The following COX7A2L variants were observed in gnomAD, a reference collection of about 807,000 sequenced individuals.
The protein encoded by COX7A2L is cytochrome c oxidase subunit 7A2-like, mitochondrial.
In COX7A2L, 18 loss-of-function variants were observed where a neutral mutation model predicts 14.2. That is an observed-to-expected ratio of 1.27 (90% CI 0.88 to 1.88). The LOEUF (loss-of-function observed/expected upper bound fraction) is 1.88. Ranked by LOEUF, COX7A2L falls within the 40% of genes most tolerant of loss-of-function variation. COX7A2L has a pLI of 0.00. For missense variants in COX7A2L, 179 were observed against 138.8 expected, an observed-to-expected ratio of 1.29 and a Z score of -1.46; for synonymous variants, 65 against 57.4, an observed-to-expected ratio of 1.13 and a Z score of -0.60.
intron 1 of COX7A2L, among the ~76,000 whole-genome samples, chr2:42,354,280 T>TG (rs540737786): frequency 6.6e-5 from 10 of 151,920 alleles, no homozygotes; most frequent in East Asian, 1.9e-4. Context: ...TAAAAAAAGG[T>TG]GGGGGGGATC....
chr2:42,336,681 G>T (rs776112359), intron 2 of COX7A2L, among the ~76,000 whole-genome samples: 2 of 152,192 alleles, frequency 1.3e-5, no homozygotes, highest in Admixed American at 1.3e-4. Context: ...CCAGAAGCTG[G>T]AGCCGTCACC....
rs546914973 is a variant in COX7A2L at position 42,357,353 on chromosome 2, C to T, written c.72+3737G>A. On this transcript the variant is annotated intron_variant, in intron 1 of 2. Coordinates refer to ENST00000234301, the MANE Select transcript of COX7A2L (RefSeq NM_004718.4). ...TAGATAGATCTTACACTGTCACCCACGCTGGAGTGCAACGCATTGATCACA... is the reference window on the plus strand; with the variant it reads ...TAGATAGATCTTACACTGTCACCCATGCTGGAGTGCAACGCATTGATCACA... 6.6e-5 allele frequency among the ~76,000 whole-genome samples: 10 copies of T among 152,260 alleles called. No individual in the cohort carries two copies. In the South Asian group the frequency reaches 1.5e-3, roughly 22 times the overall value.
At chr2:42,360,397 C>T (rs899336558) in intron 1 of COX7A2L, among the ~76,000 whole-genome samples, 2 of 152,154 alleles carry the variant, frequency 1.3e-5, no homozygotes, top group Admixed American at 6.5e-5. Context: ...TGAAAAGGCA[C>T]GTCTGGGGCT....
downstream of COX7A2L, among the ~76,000 whole-genome samples, chr2:42,346,813 T>C (rs1225447822): frequency 5.3e-5 from 8 of 152,248 alleles, no homozygotes; most frequent in Non-Finnish European, 1.0e-4. Context: ...TGAATATCTT[T>C]TTTAAAAAAA....
downstream of COX7A2L, among the ~76,000 whole-genome samples, chr2:42,347,369 ACCT>A (rs1670520509): frequency 1.4e-5 from 2 of 140,906 alleles, no homozygotes; most frequent in Admixed American, 7.9e-5. Flanking sequence ...CATCCCCCTC[ACCT>A]CCTAAATCTC....
chr2:42,361,050 G>T (rs745999909), intron 1 of COX7A2L, 40 bp downstream of exon 1: 1 of 1,606,194 alleles, frequency 6.2e-7, no homozygotes, highest in Non-Finnish European at 8.5e-7. Flanking sequence ...GGCTAGGGCC[G>T]CCACTTCTCA....
intron 1 of COX7A2L, chr2:42,359,299 T>C (rs1190904075): frequency 2.6e-5 from 4 of 152,130 alleles, no homozygotes; most frequent in African/African-American, 9.7e-5. Context: ...AAACTATCTA[T>C]TTATGATGAT....
downstream of COX7A2L, among the ~76,000 whole-genome samples, chr2:42,346,184 T>C (rs1319628060): frequency 6.6e-6 from 1 of 152,118 alleles, no homozygotes; most frequent in African/African-American, 2.4e-5. Flanking sequence ...TAAGGGCATG[T>C]TGCCAGCAGC....
chr2:42,359,119 T>C (rs1261617918), intron 1 of COX7A2L: 1 of 152,200 alleles, frequency 6.6e-6, no homozygotes, highest in Non-Finnish European at 1.5e-5. Context: ...AAAAATATTT[T>C]TTGAGCAGCC....
At chr2:42,361,221 C>G, upstream of COX7A2L, 2 of 1,485,724 alleles carry the variant, frequency 1.3e-6, no homozygotes, top group South Asian at 1.2e-5. Flanking sequence ...GAGAAGGACC[C>G]CGCCTCCCCG....
chr2:42,345,326 T>C (rs1670474301), downstream of COX7A2L, among the ~76,000 whole-genome samples: 1 of 152,270 alleles, frequency 6.6e-6, no homozygotes, highest in Admixed American at 6.5e-5. Flanking sequence ...GAGGTTGCAG[T>C]GAGCCGAGAA....
chr2:42,339,707 C>T lies in COX7A2L; in HGVS notation c.193-5838G>A, dbSNP rs1670362703. Among the ~76,000 whole-genome samples the T allele has an allele frequency of 6.6e-6, 1 of 152,192 alleles. No individual in the cohort carries two copies. Among genetic ancestry groups the T allele is most frequent in the African/African-American group, 2.4e-5 (1 of 41,442 alleles). On this transcript the variant is annotated intron_variant, in intron 2 of 2. Coordinates refer to the COX7A2L transcript ENST00000468711. This position sits in a 1 kb window ranked among gnomAD's most constrained non-coding sequence, Gnocchi z 5.4. ...GCACACATATACACCCACACAGCCA[C>T]CCCTGGAGGAAGACCTGGGATGCTG...
chr2:42,348,714 C>T (rs1427281965), downstream of COX7A2L, among the ~76,000 whole-genome samples: 1 of 152,070 alleles, frequency 6.6e-6, no homozygotes, highest in African/African-American at 2.4e-5. Context: ...GTCAGAAAAT[C>T]GAGACCATCT....
chr2:42,359,693 A>G (rs1670954868), intron 1 of COX7A2L: 1 of 151,960 alleles, frequency 6.6e-6, no homozygotes, highest in Non-Finnish European at 1.5e-5. Flanking sequence ...TTTCTTCCCT[A>G]CAAATTACCA....
Position 42,353,394 on chromosome 2 carries a change from T to G in COX7A2L, c.73-51A>C, listed in dbSNP as rs768383931. The G allele has an allele frequency of 3.0e-5, 48 of 1,603,056 alleles. 1 individual carries two copies. The highest frequency in any genetic ancestry group is 1.9e-4 in the South Asian group (17 of 88,986). ...AAGTTGAAAGTATGTCTGAGGAGGC[T>G]GTCTGGAATAGTGGAGGCAGCCATT... On this transcript the variant is annotated intron_variant, in intron 1 of 2. Transcript: ENST00000234301.
At position 42,361,094 on chromosome 2, in the gene COX7A2L, G is replaced by C. The variant is rs754534079; in HGVS notation, c.68C>G (p.Pro23Arg). ...CTGGCCAGGCGCCACTCGTACCTGC[G>C]GGCTATAGGCCTCCGAAGCCCATGC... ...AGAWASEAYSPQGLKPVVSTE... is the reference protein window; with the variant it reads ...AGAWASEAYSRQGLKPVVSTE... The change falls in exon 1 of 3, where the codon CCG becomes CGG. Residue 23 changes from proline to arginine, a missense_variant. Transcript: ENST00000234301. 1 of 1,613,478 alleles carries C rather than the reference G, an allele frequency of 6.2e-7. No homozygotes were observed. The highest frequency in any genetic ancestry group is 1.3e-5 in the African/African-American group (1 of 74,904).
Position 42,338,493 on chromosome 2 carries a change from G to A in COX7A2L, c.193-4624C>T, listed in dbSNP as rs1452994837. Among the ~76,000 whole-genome samples the A allele has an allele frequency of 3.3e-5, 5 of 152,186 alleles. No homozygotes were observed. The highest frequency in any genetic ancestry group is 5.9e-5 in the Non-Finnish European group (4 of 68,036). Reference sequence around the variant, plus strand: ...GATCTGTGTTGATGTGGCCTGCCATGTGCTGCCCGTGAACATCTCCTCACC... The same window carrying A: ...GATCTGTGTTGATGTGGCCTGCCATATGCTGCCCGTGAACATCTCCTCACC... On this transcript the variant is annotated intron_variant, in intron 2 of 2. Transcript: ENST00000468711. This position sits in a 1 kb window ranked among gnomAD's most constrained non-coding sequence, Gnocchi z 4.4.
chr2:42,358,519 T>C (rs1384910614), intron 1 of COX7A2L, among the ~76,000 whole-genome samples: 1 of 152,212 alleles, frequency 6.6e-6, no homozygotes, highest in Non-Finnish European at 1.5e-5. Flanking sequence ...GTACTCCTAA[T>C]TACCAAAGTC....
intron 1 of COX7A2L, among the ~76,000 whole-genome samples, chr2:42,358,438 T>A (rs1030953674): frequency 6.6e-6 from 1 of 152,210 alleles, no homozygotes; most frequent in East Asian, 1.9e-4. Context: ...CATGGCAAAT[T>A]ATTCACTTTA....
Sources: allele counts gnomAD v4.1 joint callset (sites outside exome capture counted in the v4.1 genomes callset), GRCh38; gene constraint gnomAD v4.1.1; non-coding constraint Gnocchi (gnomAD v3.1); transcripts MANE v1.5; gene names NCBI Gene and HGNC (gene_info 2026-07-23, HGNC 2026-07-21).